Variants in ITPR1 observed in about 807,000 individuals in gnomAD.
ITPR1 encodes inositol 1,4,5-trisphosphate receptor type 1, also known as inositol 1,4,5-trisphosphate-gated calcium channel ITPR1.
A neutral mutation model predicts 318.4 loss-of-function variants in ITPR1; 96 were observed. The observed-to-expected ratio is 0.30, with a 90% confidence interval of 0.26 to 0.36. ITPR1 has a LOEUF of 0.36. ITPR1 is among the 10% of genes least tolerant of loss of function. The probability of loss-of-function intolerance (pLI) is 1.00; values close to 1 mark genes in which losing one functional copy is unlikely to be tolerated. For missense variants in ITPR1, 2,440 were observed against 3,460.2 expected, an observed-to-expected ratio of 0.71 and a Z score of 7.40; for synonymous variants, 1,312 against 1,289.9, an observed-to-expected ratio of 1.02 and a Z score of -0.37.
intron 55 of ITPR1, among the ~76,000 whole-genome samples, chr3:4,808,768 C>T (rs2048748395): frequency 6.6e-6 from 1 of 152,214 alleles, no homozygotes; most frequent in African/African-American, 2.4e-5. Flanking sequence ...GAGCAGGGAA[C>T]ACCCATGTGT....
At chr3:4,684,568 C>G (rs1035917440) in intron 29 of ITPR1, among the ~76,000 whole-genome samples, 2 of 152,164 alleles carry the variant, frequency 1.3e-5, no homozygotes, top group Non-Finnish European at 2.9e-5. Flanking sequence ...AGCTTCCTCA[C>G]CTTTTGTAGG....
At chr3:4,759,024 G>A (rs1331939308) in intron 44 of ITPR1, among the ~76,000 whole-genome samples, 2 of 152,252 alleles carry the variant, frequency 1.3e-5, no homozygotes, top group African/African-American at 4.8e-5. Context: ...GGGTAAGATA[G>A]GTGGATCCAG....
At chr3:4,627,060 A>G (rs113922864) in intron 4 of ITPR1, among the ~76,000 whole-genome samples, 1,660 of 152,112 alleles carry the variant, frequency 0.011, 26 homozygotes, top group African/African-American at 0.038. Context: ...ACCTCAAGTG[A>G]TCCACCTGCC....
intron 47 of ITPR1, among the ~76,000 whole-genome samples, chr3:4,775,927 GA>G (rs1160771416): frequency 6.6e-6 from 1 of 152,246 alleles, no homozygotes; most frequent in Non-Finnish European, 1.5e-5. Flanking sequence ...TCAGGGGAAA[GA>G]AAGATGAGAT....
intron 4 of ITPR1, among the ~76,000 whole-genome samples, chr3:4,585,594 G>A (rs918726437): frequency 1.3e-5 from 2 of 151,540 alleles, no homozygotes; most frequent in East Asian, 3.9e-4. Context: ...GCACCACCAC[G>A]CCCGGCTAAT....
chr3:4,646,520 G>A (rs957390896), intron 10 of ITPR1, among the ~76,000 whole-genome samples: 1 of 152,228 alleles, frequency 6.6e-6, no homozygotes, highest in African/African-American at 2.4e-5. Context: ...ACTGTTTTTG[G>A]AGACCAGAGG....
At chr3:4,516,437 C>A (rs559949135) in intron 2 of ITPR1, 39 bp from the exon 3 acceptor site, 8 of 1,123,454 alleles carry the variant, frequency 7.1e-6, no homozygotes, top group African/African-American at 6.5e-5. Flanking sequence ...CTGAACATTT[C>A]TTTTCTTCTA....
At chr3:4,736,238 T>G (rs915008485) in intron 44 of ITPR1, among the ~76,000 whole-genome samples, 1 of 152,206 alleles carries the variant, frequency 6.6e-6, no homozygotes, top group African/African-American at 2.4e-5. Context: ...ATAATCCACA[T>G]ACTGTAAAAT....
chr3:4,697,055 T>A, intron 33 of ITPR1, 92 bp from the exon 34 acceptor site: 1 of 1,182,752 alleles, frequency 8.5e-7, no homozygotes, highest in Non-Finnish European at 1.2e-6. Flanking sequence ...GGGATGACCA[T>A]TTTCATCGGT....
rs1462183618 is a variant in ITPR1, at chr3:4,826,585, G to A, written c.8028+8343G>A. 6.6e-6 allele frequency among the ~76,000 whole-genome samples: 1 copy of A among 152,166 alleles called. No individual in the cohort carries two copies. Among genetic ancestry groups the A allele is most frequent in the Non-Finnish European group, 1.5e-5 (1 of 68,022 alleles). ...CTCTCTCACCCCACCCTGTGCACTTGGGCTTGGGTTCGTGTCAGTGGCAGC... is the reference window on the plus strand; with the variant it reads ...CTCTCTCACCCCACCCTGTGCACTTAGGCTTGGGTTCGTGTCAGTGGCAGC... On this transcript the variant is annotated intron_variant, in intron 60 of 61. Transcript: ENST00000649015. This position sits in a 1 kb window ranked among gnomAD's most constrained non-coding sequence, Gnocchi z 4.2.
At chr3:4,827,015 A>G (rs3805023) in intron 60 of ITPR1, among the ~76,000 whole-genome samples, 27,360 of 152,208 alleles carry the variant, frequency 0.18, 2,653 homozygotes, top group East Asian at 0.25. Flanking sequence ...TTCACTGTGC[A>G]TGAAACCACT....
At chr3:4,749,856 C>T (rs1237091627) in intron 44 of ITPR1, 3 of 152,732 alleles carry the variant, frequency 2.0e-5, no homozygotes, top group East Asian at 1.9e-4. Context: ...GACACTGAAG[C>T]ACCCTGTTCA....
intron 4 of ITPR1, among the ~76,000 whole-genome samples, chr3:4,613,716 T>A (rs2092266615): frequency 6.6e-6 from 1 of 152,222 alleles, no homozygotes; most frequent in African/African-American, 2.4e-5. Flanking sequence ...AAGGGAAAAT[T>A]TGTTTTCCAT....
Position 4,846,266 on chromosome 3 carries a change from T to C in ITPR1, c.*41T>C. The C allele has an allele frequency of 7.4e-7, 1 of 1,353,930 alleles. No homozygotes were observed. The highest frequency in any genetic ancestry group is 1.3e-5 in the South Asian group (1 of 79,416). The allele number at this position is 1,353,930 out of a possible 1,614,324, so 83.9% of individuals were successfully genotyped here. ...GAATTGTATTTACCTTTTATAATTATTATTAGTGTGGGTATGGCTAATGAG... is the reference window on the plus strand; with the variant it reads ...GAATTGTATTTACCTTTTATAATTACTATTAGTGTGGGTATGGCTAATGAG... On this transcript the variant is annotated 3_prime_UTR_variant, in exon 62 of 62. Transcript: ENST00000649015.
At chr3:4,501,032 A>T (rs889627755) in intron 2 of ITPR1, among the ~76,000 whole-genome samples, 2 of 93,776 alleles carry the variant, frequency 2.1e-5, no homozygotes, top group African/African-American at 7.6e-5. Flanking sequence ...TTAAAAAAAA[A>T]ATTTTTTTTT....
intron 45 of ITPR1, 148 bp downstream of exon 45, chr3:4,766,858 T>G (rs896724040): frequency 1.7e-6 from 1 of 604,590 alleles, no homozygotes; most frequent in East Asian, 3.0e-5. Flanking sequence ...GATGTAATTC[T>G]TCCTCAGTGA....
intron 7 of ITPR1, 70 bp from the exon 8 acceptor site, chr3:4,644,066 A>G (rs903950016): frequency 8.2e-6 from 8 of 973,568 alleles, no homozygotes; most frequent in Non-Finnish European, 1.3e-5. Flanking sequence ...TGTCTTCTAG[A>G]ACTGCCCAGT....
chr3:4,714,383 C>G (rs2041613337), intron 39 of ITPR1, among the ~76,000 whole-genome samples: 1 of 152,220 alleles, frequency 6.6e-6, no homozygotes, highest in Non-Finnish European at 1.5e-5. Flanking sequence ...TGTCCCATGA[C>G]TGACACTTCC....
intron 61 of ITPR1, among the ~76,000 whole-genome samples, chr3:4,842,246 A>T (rs972298267): frequency 1.3e-5 from 2 of 152,268 alleles, no homozygotes; most frequent in Non-Finnish European, 2.9e-5. Context: ...TGTTTAGATG[A>T]GTCAAAAGGA....
Sources: gnomAD v4.1 joint callset for allele counts (sites outside exome capture counted in the v4.1 genomes callset) on GRCh38, gnomAD v4.1.1 for gene constraint, Gnocchi (gnomAD v3.1) non-coding constraint, MANE v1.5 for transcripts, NCBI Gene and HGNC (gene_info 2026-07-23, HGNC 2026-07-21) for gene names.